Variants in SOX5 observed in about 807,000 individuals in gnomAD.
SOX5 encodes SRY-box transcription factor 5, also known as transcription factor SOX-5.
Under a neutral mutation model 92.0 loss-of-function variants are expected in SOX5, and 9 were observed. That is an observed-to-expected ratio of 0.10 (90% confidence interval 0.06 to 0.17). SOX5 has a LOEUF of 0.17. Ranked by LOEUF, SOX5 falls within the 10% of genes least tolerant of loss-of-function variation. SOX5 has a pLI of 1.00. For synonymous variants in SOX5, 344 were observed against 336.3 expected (o/e 1.02, Z -0.25); for missense variants, 642 against 944.5 (o/e 0.68, Z 4.20).
intron 3 of SOX5, among the ~76,000 whole-genome samples, chr12:23,768,682 C>T (rs1361596925): frequency 6.6e-6 from 1 of 151,936 alleles, no homozygotes; most frequent in Non-Finnish European, 1.5e-5. Context: ...AGTAGCTGCT[C>T]ATAATCTAGT....
intron 4 of SOX5, among the ~76,000 whole-genome samples, chr12:24,152,305 AT>A (rs1233119920): frequency 2.0e-5 from 3 of 152,184 alleles, no homozygotes; most frequent in Non-Finnish European, 4.4e-5. Flanking sequence ...TTGTCTGTGT[AT>A]TCCCAATCCA....
intron 1 of SOX5, among the ~76,000 whole-genome samples, chr12:24,530,502 A>G (rs989736105): frequency 5.3e-5 from 8 of 152,140 alleles, no homozygotes; most frequent in African/African-American, 1.9e-4. Flanking sequence ...CATACAAAAA[A>G]TTTAGCCAGC....
At chr12:24,559,197 T>C (rs1954099705) in intron 1 of SOX5, among the ~76,000 whole-genome samples, 1 of 152,180 alleles carries the variant, frequency 6.6e-6, no homozygotes, top group African/African-American at 2.4e-5. Context: ...AGACTAAAAA[T>C]TTTTGACCAG....
chr12:24,309,735 A>T (rs1171250548), intron 2 of SOX5, among the ~76,000 whole-genome samples: 1 of 152,176 alleles, frequency 6.6e-6, no homozygotes, highest in Non-Finnish European at 1.5e-5. Flanking sequence ...ACAAAAATCC[A>T]TTTTACAAAG....
intron 1 of SOX5, 56 bp from the exon 2 acceptor site, chr12:23,896,080 C>T (rs559622445): frequency 3.8e-5 from 47 of 1,244,416 alleles, no homozygotes; most frequent in East Asian, 1.2e-4. Flanking sequence ...TCCTTAATGC[C>T]GTCATTGTGT....
At chr12:24,109,963 A>T (rs1331812967) in intron 4 of SOX5, among the ~76,000 whole-genome samples, 6 of 152,262 alleles carry the variant, frequency 3.9e-5, no homozygotes, top group Non-Finnish European at 5.9e-5. Flanking sequence ...TTTCATTAAA[A>T]TTTTTTCTGA....
At chr12:24,148,688 T>TAAAAA (rs398018872) in intron 4 of SOX5, among the ~76,000 whole-genome samples, 7 of 70,922 alleles carry the variant, frequency 9.9e-5, no homozygotes, top group African/African-American at 2.6e-4. Context: ...CCATCTCTAC[T>TAAAAA]AAAAAAAAAA....
chr12:23,780,313 C>T (rs1028168977), intron 3 of SOX5, among the ~76,000 whole-genome samples: 6 of 151,766 alleles, frequency 4.0e-5, no homozygotes, highest in Non-Finnish European at 7.4e-5. Context: ...AAAGGAGAAC[C>T]GGTAAGTCAA....
intron 1 of SOX5, among the ~76,000 whole-genome samples, chr12:23,913,255 A>G (rs954642080): frequency 6.6e-6 from 1 of 152,200 alleles, no homozygotes; most frequent in Non-Finnish European, 1.5e-5. Context: ...AAGAATCAAA[A>G]ATGTATTTCT....
chr12:23,699,264 A>C (rs1196295094), intron 6 of SOX5, among the ~76,000 whole-genome samples: 1 of 152,182 alleles, frequency 6.6e-6, no homozygotes, highest in Admixed American at 6.5e-5. Context: ...TTGTCTCACC[A>C]GATAGTGAGC....
chr12:24,216,345 G>A (rs931202927), intron 3 of SOX5, among the ~76,000 whole-genome samples: 4 of 152,150 alleles, frequency 2.6e-5, no homozygotes, highest in Non-Finnish European at 2.9e-5. Flanking sequence ...TTAGCCGGGC[G>A]TGGTGGCGGG....
chr12:24,215,224 A>C (rs1959072249), intron 3 of SOX5, among the ~76,000 whole-genome samples: 1 of 152,164 alleles, frequency 6.6e-6, no homozygotes, highest in Admixed American at 6.5e-5. Context: ...ACTTTTATTC[A>C]ACATTTTATT....
At chr12:24,273,526 TG>T (rs1438603467) in intron 3 of SOX5, among the ~76,000 whole-genome samples, 2 of 152,216 alleles carry the variant, frequency 1.3e-5, no homozygotes, top group African/African-American at 4.8e-5. Flanking sequence ...ACATCTGTTG[TG>T]GTGCTTCCTT....
At chr12:24,328,648 T>C (rs1344254717) in intron 2 of SOX5, among the ~76,000 whole-genome samples, 1 of 152,228 alleles carries the variant, frequency 6.6e-6, no homozygotes, top group African/African-American at 2.4e-5. Flanking sequence ...TTTAACCCTT[T>C]CACCCTTGTC....
chr12:24,150,640 G>T (rs979648167), intron 4 of SOX5, among the ~76,000 whole-genome samples: 1 of 152,012 alleles, frequency 6.6e-6, no homozygotes, highest in African/African-American at 2.4e-5. Context: ...TGATATAAAG[G>T]AGCTTAAGAT....
chr12:24,552,901 G>A (rs549489433), intron 1 of SOX5, among the ~76,000 whole-genome samples: 5 of 152,154 alleles, frequency 3.3e-5, no homozygotes, highest in South Asian at 2.1e-4. Flanking sequence ...GCATGCTGGC[G>A]CATGCCTGTG....
chr12:24,075,621 T>A (rs1190163860), intron 4 of SOX5, among the ~76,000 whole-genome samples: 2 of 152,042 alleles, frequency 1.3e-5, no homozygotes, highest in Non-Finnish European at 2.9e-5. Flanking sequence ...ATCAAGAAAA[T>A]TACACCTTAA....
chr12:23,885,073 C>G (rs766440319), intron 2 of SOX5, among the ~76,000 whole-genome samples: 3 of 152,064 alleles, frequency 2.0e-5, no homozygotes, highest in Non-Finnish European at 4.4e-5. Context: ...ATGTCCCTAG[C>G]GGTGCAAAGC....
chr12:23,948,419 C>G (rs1165787442), intron 1 of SOX5, among the ~76,000 whole-genome samples: 1 of 151,664 alleles, frequency 6.6e-6, no homozygotes, highest in South Asian at 2.1e-4. Flanking sequence ...TTTCTTTTTT[C>G]GTCTTTTCAT....
Sources: allele counts gnomAD v4.1 joint callset (sites outside exome capture counted in the v4.1 genomes callset), GRCh38; gene constraint gnomAD v4.1.1; transcripts MANE v1.5; gene names NCBI Gene and HGNC (gene_info 2026-07-23, HGNC 2026-07-21).